Variants in PPM1L observed in about 807,000 individuals in gnomAD.
PPM1L encodes protein phosphatase, Mg2+/Mn2+ dependent 1L.
Under a neutral mutation model 31.4 loss-of-function variants are expected in PPM1L, and 13 were observed. That is an observed-to-expected ratio of 0.41 (90% CI 0.27 to 0.66). The LOEUF (loss-of-function observed/expected upper bound fraction) is 0.66, where lower values mean the gene tolerates loss of function less well. Ranked by LOEUF, PPM1L falls within the 30% of genes least tolerant of loss-of-function variation. The pLI, the probability that PPM1L is intolerant of heterozygous loss-of-function variation, is 0.29. For missense variants in PPM1L, 326 were observed against 453.7 expected, an observed-to-expected ratio of 0.72 and a Z score of 2.56; for synonymous variants, 184 against 175.4, an observed-to-expected ratio of 1.05 and a Z score of -0.39.
At chr3:160,890,088 G>A (rs1414308328) in intron 1 of PPM1L, among the ~76,000 whole-genome samples, 1 of 152,122 alleles carries the variant, frequency 6.6e-6, no homozygotes, top group Non-Finnish European at 1.5e-5. Context: ...ACTGGTACAA[G>A]GCAAGGATCC....
At chr3:160,773,375 GA>G (rs780419962) in intron 1 of PPM1L, among the ~76,000 whole-genome samples, 1 of 112,398 alleles carries the variant, frequency 8.9e-6, no homozygotes, top group Non-Finnish European at 1.7e-5. Context: ...TATAATGAGT[GA>G]AAAGAGAGAA....
chr3:160,838,854 T>C (rs1307108590), intron 1 of PPM1L, among the ~76,000 whole-genome samples: 1 of 152,194 alleles, frequency 6.6e-6, no homozygotes, highest in Non-Finnish European at 1.5e-5. Flanking sequence ...CTTTGAGGAC[T>C]TATGCTATGG....
Position 160,756,487 on chromosome 3 carries a change from A to G in PPM1L, c.179A>G (p.Lys60Arg). The G allele has an allele frequency of 6.2e-7, 1 of 1,614,122 alleles. No individual in the cohort carries two copies. The highest frequency in any genetic ancestry group is 8.5e-7 in the Non-Finnish European group (1 of 1,180,028). Residue 60 changes from lysine to arginine, a missense_variant, in exon 1 of 4, where the codon AAG becomes AGG. Around this residue, in one of 3 missense-constraint regions of PPM1L, gnomAD observed 83 missense variants for 79.4 expected, o/e 1.04. Coordinates refer to ENST00000498165, the MANE Select transcript of PPM1L (RefSeq NM_139245.4). This position sits in a 1 kb window ranked among gnomAD's most constrained non-coding sequence, Gnocchi z 6.2. Reference sequence around the variant, plus strand: ...AGCCGGGACGCCGTGAAGATGGTGAAGGGCAAGGTAGCCGAGATCATGCAG... The same window carrying G: ...AGCCGGGACGCCGTGAAGATGGTGAGGGGCAAGGTAGCCGAGATCATGCAG... ...KSSRDAVKMV[K>R]GKVAEIMQND...
intron 1 of PPM1L, among the ~76,000 whole-genome samples, chr3:160,911,781 G>C (rs539649935): frequency 1.3e-5 from 2 of 152,306 alleles, no homozygotes; most frequent in East Asian, 3.9e-4. Flanking sequence ...TAGTGATGCA[G>C]ATAGAGGAAT....
At chr3:160,905,171 T>A (rs1358810705) in intron 1 of PPM1L, among the ~76,000 whole-genome samples, 1 of 152,190 alleles carries the variant, frequency 6.6e-6, no homozygotes, top group Non-Finnish European at 1.5e-5. Flanking sequence ...TCCAACCTCA[T>A]ATATCTTTAT....
intron 1 of PPM1L, among the ~76,000 whole-genome samples, chr3:160,945,835 T>C (rs1473579231): frequency 1.3e-5 from 2 of 152,146 alleles, no homozygotes; most frequent in Non-Finnish European, 2.9e-5. Flanking sequence ...GATGATCCAC[T>C]TACACTTAAT....
At chr3:160,962,451 C>A (rs942964499) in intron 2 of PPM1L, among the ~76,000 whole-genome samples, 1 of 151,980 alleles carries the variant, frequency 6.6e-6, no homozygotes, top group Non-Finnish European at 1.5e-5. Flanking sequence ...TTATTTTAAT[C>A]TATTATATGG....
At position 161,073,207 on chromosome 3, in the gene PPM1L, A is replaced by G. The variant is rs191212413; in HGVS notation, c.*4050A>G. ...TGAACATGAGCACATCAAAGGCTCT[A>G]ATTTAAATGTCCTGTGAGGAGAGAA... On this transcript the variant is annotated 3_prime_UTR_variant, in exon 4 of 4. Coordinates refer to ENST00000498165, the MANE Select transcript of PPM1L (RefSeq NM_139245.4). 3 of 152,350 alleles carry G rather than the reference A, an allele frequency of 2.0e-5. No individual in the cohort carries two copies. In the East Asian group the frequency reaches 5.8e-4, roughly 29 times the overall value. The allele number at this position is 152,350 out of a possible 1,614,324, so 9.4% of individuals were successfully genotyped here.
At chr3:160,857,482 A>C (rs947000794) in intron 1 of PPM1L, among the ~76,000 whole-genome samples, 1 of 152,178 alleles carries the variant, frequency 6.6e-6, no homozygotes, top group Non-Finnish European at 1.5e-5. Flanking sequence ...CTTAAAATGT[A>C]ATGCAAAAAC....
intron 1 of PPM1L, among the ~76,000 whole-genome samples, chr3:160,871,438 G>C (rs1213138262): frequency 1.3e-5 from 2 of 152,126 alleles, no homozygotes; most frequent in African/African-American, 4.8e-5. Flanking sequence ...TCTCTGCTAA[G>C]GGCAAAATAA....
At chr3:161,022,241 T>C in intron 2 of PPM1L, 2 of 619,958 alleles carry the variant, frequency 3.2e-6, no homozygotes, top group Admixed American at 2.8e-5. Context: ...CTAATTTCGA[T>C]TTTAAACAAA....
chr3:160,885,439 C>T (rs958544796), intron 1 of PPM1L, among the ~76,000 whole-genome samples: 4 of 152,146 alleles, frequency 2.6e-5, no homozygotes, highest in Non-Finnish European at 4.4e-5. Flanking sequence ...CCAAGATGGC[C>T]AACTACAAAC....
chr3:160,880,135 C>G (rs191871834), intron 1 of PPM1L, among the ~76,000 whole-genome samples: 1 of 152,186 alleles, frequency 6.6e-6, no homozygotes, highest in Admixed American at 6.5e-5. Flanking sequence ...GGAAATTATA[C>G]CATCTTCTTG....
intron 1 of PPM1L, among the ~76,000 whole-genome samples, chr3:160,940,210 G>A (rs1483905383): frequency 6.6e-6 from 1 of 152,186 alleles, no homozygotes; most frequent in Non-Finnish European, 1.5e-5. Context: ...TACTGTTAAA[G>A]GCATTCAGTT....
intron 1 of PPM1L, among the ~76,000 whole-genome samples, chr3:160,879,381 T>C (rs1467411958): frequency 6.6e-6 from 1 of 152,116 alleles, no homozygotes; most frequent in Non-Finnish European, 1.5e-5. Context: ...CCCTAGATTA[T>C]AATTAAGGGA....
At chr3:160,993,663 T>G (rs1717210755) in intron 2 of PPM1L, among the ~76,000 whole-genome samples, 1 of 152,148 alleles carries the variant, frequency 6.6e-6, no homozygotes, top group African/African-American at 2.4e-5. Context: ...ATTCCCATTT[T>G]CAGACCCAAG....
At chr3:160,912,697 G>A (rs544471864) in intron 1 of PPM1L, among the ~76,000 whole-genome samples, 5 of 152,260 alleles carry the variant, frequency 3.3e-5, no homozygotes, top group South Asian at 4.2e-4. Flanking sequence ...ATGAAGAAGC[G>A]ATAATTATAG....
rs1280974639 is a variant in PPM1L at position 160,843,854 on chromosome 3, C to T, written c.399+87147C>T. On this transcript the variant is annotated intron_variant, in intron 1 of 3. Transcript: ENST00000498165. ...CACGTATGTTTATTGCGGCACTATTCACAATAGCAAAGACTTGGAACTAAC... is the reference window on the plus strand; with the variant it reads ...CACGTATGTTTATTGCGGCACTATTTACAATAGCAAAGACTTGGAACTAAC... Among the ~76,000 whole-genome samples, 5 of 152,236 alleles carry T rather than the reference C, an allele frequency of 3.3e-5. No individual in the cohort carries two copies. The East Asian group carries it at 9.7e-4, about 29-fold the overall frequency.
chr3:160,807,843 T>C (rs1005903433), intron 1 of PPM1L, among the ~76,000 whole-genome samples: 13 of 152,136 alleles, frequency 8.5e-5, no homozygotes, highest in Admixed American at 6.5e-5. Flanking sequence ...GACTTGACTT[T>C]GTTTCTACTG....
Sources: gnomAD v4.1 joint callset for allele counts (sites outside exome capture counted in the v4.1 genomes callset) on GRCh38, gnomAD v4.1.1 for gene constraint, gnomAD v4.1.1 regional missense constraint, Gnocchi (gnomAD v3.1) non-coding constraint, MANE v1.5 for transcripts, NCBI Gene and HGNC (gene_info 2026-07-23, HGNC 2026-07-21) for gene names.